CCDC172: variants seen among roughly 807,000 people sequenced by gnomAD.
CCDC172 encodes coiled-coil domain containing 172.
CCDC172 carries 30 observed loss-of-function variants against 38.0 expected under a neutral mutation model. The ratio of observed to expected loss-of-function variants is 0.79; its 90% CI spans 0.59 to 1.07. The LOEUF (loss-of-function observed/expected upper bound fraction) is 1.07. CCDC172 is among the 50% of genes least tolerant of loss of function. CCDC172 has a pLI of 0.00. For missense variants in CCDC172, 297 were observed against 290.1 expected, an observed-to-expected ratio of 1.02 and a Z score of -0.17; for synonymous variants, 78 against 88.3, an observed-to-expected ratio of 0.88 and a Z score of 0.66.
chr10:116,343,919 A>G (rs1239290996), intron 5 of CCDC172, among the ~76,000 whole-genome samples: 1 of 152,152 alleles, frequency 6.6e-6, no homozygotes, highest in Non-Finnish European at 1.5e-5. Flanking sequence ...TTTAGTCTTT[A>G]TGATTTCTTA....
At chr10:116,340,475 AAAAG>A (rs1433484797) in intron 3 of CCDC172, among the ~76,000 whole-genome samples, 2 of 151,898 alleles carry the variant, frequency 1.3e-5, no homozygotes, top group African/African-American at 4.8e-5. Flanking sequence ...ATTGAGAGGA[AAAAG>A]AAAGCACATT....
intron 5 of CCDC172, among the ~76,000 whole-genome samples, chr10:116,348,481 T>C (rs1422005624): frequency 6.6e-6 from 1 of 152,210 alleles, no homozygotes; most frequent in Non-Finnish European, 1.5e-5. Context: ...TATTTTTATA[T>C]TTATACTATT....
intron 3 of CCDC172, among the ~76,000 whole-genome samples, chr10:116,334,179 G>A (rs534767981): frequency 1.1e-3 from 161 of 152,244 alleles, no homozygotes; most frequent in African/African-American, 3.3e-3. Context: ...TGTTCTTTTC[G>A]TTCTGAGCTC....
intron 5 of CCDC172, among the ~76,000 whole-genome samples, chr10:116,348,196 G>A (rs527835756): frequency 1.3e-5 from 2 of 152,142 alleles, no homozygotes; most frequent in East Asian, 3.9e-4. Flanking sequence ...GGTGGTGGTG[G>A]TGGTGGAGAA....
intron 5 of CCDC172, among the ~76,000 whole-genome samples, chr10:116,352,036 A>T (rs1844936999): frequency 6.6e-6 from 1 of 152,214 alleles, no homozygotes; most frequent in South Asian, 2.1e-4. Flanking sequence ...TGAGTAAAGA[A>T]AAACTACTGG....
At chr10:116,335,534 T>C (rs2901102) in intron 3 of CCDC172, among the ~76,000 whole-genome samples, 11,789 of 150,666 alleles carry the variant, frequency 0.078, 615 homozygotes, top group East Asian at 0.22. Context: ...ACCAAAATCA[T>C]TGGGGTTTTC....
At chr10:116,372,642 A>G (rs1845198769) in intron 7 of CCDC172, among the ~76,000 whole-genome samples, 1 of 152,184 alleles carries the variant, frequency 6.6e-6, no homozygotes, top group South Asian at 2.1e-4. Context: ...TTCTACAAAA[A>G]TAATGAAATA....
At chr10:116,340,110 G>T (rs2134919751) in intron 3 of CCDC172, among the ~76,000 whole-genome samples, 2 of 151,794 alleles carry the variant, frequency 1.3e-5, no homozygotes, top group Middle Eastern at 6.8e-3. Context: ...TATTTTTTAA[G>T]TTCCAAATGA....
intron 7 of CCDC172, among the ~76,000 whole-genome samples, chr10:116,373,347 A>G (rs1014760561): frequency 1.3e-5 from 2 of 152,210 alleles, no homozygotes; most frequent in Non-Finnish European, 2.9e-5. Flanking sequence ...TAATTAATGT[A>G]ACAAATAAGT....
intron 7 of CCDC172, among the ~76,000 whole-genome samples, chr10:116,376,411 T>C (rs1845245473): frequency 6.6e-6 from 1 of 152,194 alleles, no homozygotes; most frequent in East Asian, 1.9e-4. Flanking sequence ...AGCTGCCCAA[T>C]TCCAGGCTCT....
intron 3 of CCDC172, among the ~76,000 whole-genome samples, chr10:116,330,585 T>A (rs1247502816): frequency 1.3e-5 from 2 of 151,200 alleles, no homozygotes; most frequent in African/African-American, 4.9e-5. Context: ...ACATGGTGAA[T>A]TTTGATATAG....
chr10:116,335,760 C>A (rs757431610), intron 3 of CCDC172, among the ~76,000 whole-genome samples: 1 of 151,900 alleles, frequency 6.6e-6, no homozygotes, highest in Non-Finnish European at 1.5e-5. Context: ...ATGCTTTTTT[C>A]TGTTTTTGTT....
rs536088344 is a variant in CCDC172 at position 116,337,635 on chromosome 10, G to A, written c.166-3099G>A. On this transcript the variant is annotated intron_variant, in intron 3 of 8. Coordinates refer to ENST00000333254, the MANE Select transcript of CCDC172 (RefSeq NM_198515.3). ...AGAAGCAATGGATTTTTAAGTTTTT[G>A]TTTACTATAAAATAAATGTTCAAGC... Among the ~76,000 whole-genome samples, 4 of 152,124 alleles carry A rather than the reference G, an allele frequency of 2.6e-5. No individual in the cohort carries two copies. In the South Asian group the frequency reaches 8.3e-4, roughly 32 times the overall value.
chr10:116,335,479 T>G (rs1844718807), intron 3 of CCDC172, among the ~76,000 whole-genome samples: 1 of 151,894 alleles, frequency 6.6e-6, no homozygotes, highest in African/African-American at 2.4e-5. Flanking sequence ...TCATAGTTTA[T>G]ATTTCTAGAT....
At chr10:116,361,568 C>T (rs955241091) in intron 7 of CCDC172, among the ~76,000 whole-genome samples, 2 of 152,028 alleles carry the variant, frequency 1.3e-5, no homozygotes, top group African/African-American at 4.8e-5. Flanking sequence ...TGTTTCATCA[C>T]CACAAGACAG....
At chr10:116,357,622 T>C (rs1845015193) in intron 6 of CCDC172, 141 bp downstream of exon 6, 2 of 844,516 alleles carry the variant, frequency 2.4e-6, no homozygotes, top group East Asian at 6.2e-5. Context: ...GATAAAACAC[T>C]AATCAACGTG....
chr10:116,360,801 G>T (rs1011095900), intron 7 of CCDC172, among the ~76,000 whole-genome samples: 1 of 152,094 alleles, frequency 6.6e-6, no homozygotes, highest in African/African-American at 2.4e-5. Context: ...ACAAGAGAAA[G>T]CCTGTGGGGT....
At chr10:116,332,501 A>G (rs765847206) in intron 3 of CCDC172, among the ~76,000 whole-genome samples, 6 of 152,156 alleles carry the variant, frequency 3.9e-5, no homozygotes, top group Non-Finnish European at 5.9e-5. Context: ...AATTTCTGTT[A>G]TCTTCACACT....
intron 5 of CCDC172, among the ~76,000 whole-genome samples, chr10:116,355,797 G>A (rs1844988185): frequency 6.6e-6 from 1 of 152,162 alleles, no homozygotes; most frequent in African/African-American, 2.4e-5. Context: ...GTAGATCAGT[G>A]GTTGCCTAGG....
Sources: allele counts gnomAD v4.1 joint callset (sites outside exome capture counted in the v4.1 genomes callset), GRCh38; gene constraint gnomAD v4.1.1; transcripts MANE v1.5; gene names NCBI Gene and HGNC (gene_info 2026-07-23, HGNC 2026-07-21).